The following FBXL2 variants were observed in gnomAD, a reference collection of about 807,000 sequenced individuals.
FBXL2 encodes the protein F-box and leucine rich repeat protein 2, also known as F-box/LRR-repeat protein 2.
In FBXL2, 38 loss-of-function variants were observed where a neutral mutation model predicts 69.2. That is an observed-to-expected ratio of 0.55 (90% CI 0.42 to 0.72). The LOEUF is 0.72. Among genes scored for constraint, FBXL2 ranks in the 30% least tolerant of loss-of-function variants. FBXL2 has a pLI of 0.00. For missense variants in FBXL2, 354 were observed against 520.3 expected (o/e 0.68, Z 3.11); for synonymous variants, 192 against 201.3 (o/e 0.95, Z 0.39).
At chr3:33,289,871 A>C (rs1368033827) in intron 1 of FBXL2, 2 of 808,898 alleles carry the variant, frequency 2.5e-6, no homozygotes, top group Non-Finnish European at 3.0e-6. Flanking sequence ...CAGGGGGTTT[A>C]TGAAATCTAA....
At chr3:33,330,301 G>A (rs1355358303) in intron 2 of FBXL2, among the ~76,000 whole-genome samples, 1 of 151,288 alleles carries the variant, frequency 6.6e-6, no homozygotes, top group Non-Finnish European at 1.5e-5. Flanking sequence ...AAAAAATGCT[G>A]ATCTAATGAA....
chr3:33,305,379 G>A (rs1372613108), intron 2 of FBXL2, among the ~76,000 whole-genome samples: 1 of 151,560 alleles, frequency 6.6e-6, no homozygotes, highest in Admixed American at 6.6e-5. Flanking sequence ...TGATCCTTTC[G>A]TTTCTACATA....
chr3:33,396,045 G>A (rs2043979836), intron 12 of FBXL2: 2 of 897,648 alleles, frequency 2.2e-6, no homozygotes, highest in Admixed American at 4.7e-5. Context: ...GCTCCCACAT[G>A]AGCAACTTGG....
At chr3:33,333,117 T>C (rs2039298322) in intron 2 of FBXL2, among the ~76,000 whole-genome samples, 1 of 152,202 alleles carries the variant, frequency 6.6e-6, no homozygotes, top group East Asian at 1.9e-4. Flanking sequence ...GAGTGACTGC[T>C]TAATGGGTAT....
the FBXL2 span, chr3:33,416,155 C>G: frequency 7.2e-5 from 11 of 152,296 alleles, no homozygotes; most frequent in East Asian, 2.1e-3. Context: ...ACTTAGTTAG[C>G]CACATGAGGT....
intron 1 of FBXL2, among the ~76,000 whole-genome samples, chr3:33,291,129 C>T (rs2035180637): frequency 6.6e-6 from 1 of 152,136 alleles, no homozygotes; most frequent in Non-Finnish European, 1.5e-5. Flanking sequence ...CAGTGTCTTA[C>T]TGTGTTACCC....
chr3:33,330,714 C>A (rs796786157), intron 2 of FBXL2, among the ~76,000 whole-genome samples: 1 of 152,082 alleles, frequency 6.6e-6, no homozygotes. Context: ...ATGGCAAAAC[C>A]CTGTCTCTAC....
intron 2 of FBXL2, among the ~76,000 whole-genome samples, chr3:33,321,278 C>T (rs1056313726): frequency 2.0e-5 from 3 of 147,314 alleles, no homozygotes; most frequent in African/African-American, 7.6e-5. Context: ...CCATTGCACT[C>T]CAGCCTGGGT....
At chr3:33,422,130 G>A in the FBXL2 span, among the ~76,000 whole-genome samples, 1 of 152,202 alleles carries the variant, frequency 6.6e-6, no homozygotes, top group Non-Finnish European at 1.5e-5. Context: ...ATCTTTGTTT[G>A]TCTTATTACT....
intron 2 of FBXL2, among the ~76,000 whole-genome samples, chr3:33,311,711 G>A (rs1441017536): frequency 9.2e-5 from 14 of 151,992 alleles, no homozygotes; most frequent in African/African-American, 3.1e-4. Context: ...TGCAACCTCC[G>A]CCTCCCAGGT....
the FBXL2 span, among the ~76,000 whole-genome samples, chr3:33,413,538 C>T: frequency 7.4e-6 from 1 of 134,308 alleles, no homozygotes; most frequent in African/African-American, 2.9e-5. Context: ...CAGAGCGAGA[C>T]TCCATCACAA....
chr3:33,378,004 A>G, intron 11 of FBXL2, 99 bp from the exon 12 acceptor site: 1 of 1,143,596 alleles, frequency 8.7e-7, no homozygotes, highest in Non-Finnish European at 1.3e-6. Flanking sequence ...ACAGAAGAGA[A>G]CAAGGACACT....
At chr3:33,407,471 A>T (rs2044457740), downstream of FBXL2, among the ~76,000 whole-genome samples, 1 of 152,120 alleles carries the variant, frequency 6.6e-6, no homozygotes, top group Admixed American at 6.5e-5. Flanking sequence ...AGAAGAGGAT[A>T]AAAACAAAAT....
intron 5 of FBXL2, among the ~76,000 whole-genome samples, chr3:33,369,731 G>C (rs988553647): frequency 6.6e-6 from 1 of 152,066 alleles, no homozygotes; most frequent in African/African-American, 2.4e-5. Flanking sequence ...TTGTGCCTCA[G>C]CCTCCCAAGT....
chr3:33,375,169 T>C (rs1197743017), intron 9 of FBXL2, 119 bp from the exon 10 acceptor site: 4 of 1,204,232 alleles, frequency 3.3e-6, no homozygotes, highest in Non-Finnish European at 4.7e-6. Flanking sequence ...TTGAAGTTAT[T>C]TGGATAAAAT....
chr3:33,374,844 A>G (rs915097792), intron 9 of FBXL2, among the ~76,000 whole-genome samples: 5 of 148,000 alleles, frequency 3.4e-5, no homozygotes, highest in Non-Finnish European at 6.1e-5. Flanking sequence ...AAATATAAAT[A>G]TATGTGTATA....
Position 33,277,450 on chromosome 3 carries a change from G to C in FBXL2, c.-63G>C. The stretch of plus-strand genomic sequence containing the variant: ...CGGGGCGCCTGGCTGGCGTCACCAG[G>C]ACAACGGGCGTCGCCGGCGCCGTGT... On this transcript the variant is annotated 5_prime_UTR_variant, in exon 1 of 15. Transcript: ENST00000484457. The C allele has an allele frequency of 7.9e-7, 1 of 1,260,648 alleles. No homozygotes were observed. Among genetic ancestry groups the C allele is most frequent in the Non-Finnish European group, 1.0e-6 (1 of 996,754 alleles). 78.1% of individuals were successfully genotyped at this position (1,260,648 alleles called of 1,614,324 possible).
intron 2 of FBXL2, among the ~76,000 whole-genome samples, chr3:33,335,638 G>A (rs1437161848): frequency 6.6e-6 from 1 of 152,108 alleles, no homozygotes; most frequent in Non-Finnish European, 1.5e-5. Context: ...GACTGCAAAA[G>A]GGACGTATTT....
chr3:33,278,298 G>A (rs1478070706), intron 1 of FBXL2: 1 of 152,190 alleles, frequency 6.6e-6, no homozygotes, highest in Non-Finnish European at 1.5e-5. Context: ...GCCAACCGAA[G>A]GCATAATTCT....
Sources: gnomAD v4.1 joint callset for allele counts (sites outside exome capture counted in the v4.1 genomes callset) on GRCh38, gnomAD v4.1.1 for gene constraint, MANE v1.5 for transcripts, NCBI Gene and HGNC (gene_info 2026-07-23, HGNC 2026-07-21) for gene names.